Variants in GRB2 observed in about 807,000 individuals in gnomAD.
GRB2 encodes the protein growth factor receptor-bound protein 2.
GRB2 carries 2 observed loss-of-function variants against 27.4 expected under a neutral mutation model. The observed-to-expected ratio is 0.07, with a 90% confidence interval of 0.03 to 0.23. The LOEUF is 0.23. Among genes scored for constraint, GRB2 ranks in the 10% least tolerant of loss-of-function variants. GRB2 has a pLI of 1.00. For synonymous variants in GRB2, 94 were observed against 99.6 expected (o/e 0.94, Z 0.33); for missense variants, 102 against 282.4 (o/e 0.36, Z 4.58).
intron 2 of GRB2, among the ~76,000 whole-genome samples, chr17:75,340,985 C>T (rs569940401): frequency 1.3e-5 from 2 of 152,268 alleles, no homozygotes; most frequent in Non-Finnish European, 2.9e-5. Context: ...ATATGCCGAG[C>T]AGATCAGTCT....
At position 75,396,400 on chromosome 17, in the gene GRB2, G is replaced by A. The variant is rs529530577; in HGVS notation, c.-137-2635C>T. Among the ~76,000 whole-genome samples the A allele has an allele frequency of 4.7e-4, 72 of 152,026 alleles. 1 individual carries two copies. Among genetic ancestry groups the A allele is most frequent in the African/African-American group, 1.7e-3 (70 of 41,470 alleles). On this transcript the variant is annotated intron_variant, in intron 1 of 5. Transcript: ENST00000316804. ...TGGAACTACAGGTGTGGGCCACTATGCCCGGCTACTTTTTCTATTTTTTGT... is the reference window on the plus strand; with the variant it reads ...TGGAACTACAGGTGTGGGCCACTATACCCGGCTACTTTTTCTATTTTTTGT...
In GRB2 at chr17:75,319,908, C is replaced by T. The variant is rs879388816; in HGVS notation, c.*460G>A. On this transcript the variant is annotated 3_prime_UTR_variant, in exon 6 of 6. Transcript: ENST00000316804. ...AGCAAAGGCATCGAGCGGCCCTGCC[C>T]GCTCCTTTTTGTGTGTATATACGAA... 3 of 157,218 alleles carry T rather than the reference C, an allele frequency of 1.9e-5. No homozygotes were observed. Among genetic ancestry groups the T allele is most frequent in the Non-Finnish European group, 2.8e-5 (2 of 70,888 alleles). 9.7% of individuals were successfully genotyped at this position (157,218 alleles called of 1,614,324 possible). A position where few individuals can be genotyped will look rare whatever the true frequency, so the allele number is the denominator to read the frequency against.
chr17:75,353,491 G>A (rs559771507), intron 2 of GRB2, among the ~76,000 whole-genome samples: 14 of 151,750 alleles, frequency 9.2e-5, no homozygotes, highest in East Asian at 5.8e-4. Context: ...TACCGGGCGC[G>A]GTGGCTCACA....
chr17:75,401,425 C>G (rs1360439557), intron 1 of GRB2, among the ~76,000 whole-genome samples: 1 of 138,420 alleles, frequency 7.2e-6, no homozygotes, highest in Non-Finnish European at 1.5e-5. Context: ...GCAGTCCGGC[C>G]TGGGCGACAG....
chr17:75,381,239 A>G (rs1451162616), intron 2 of GRB2, among the ~76,000 whole-genome samples: 1 of 152,244 alleles, frequency 6.6e-6, no homozygotes, highest in East Asian at 1.9e-4. Context: ...ATAAAAATGT[A>G]TACATAATGA....
intron 2 of GRB2, among the ~76,000 whole-genome samples, chr17:75,336,831 G>A (rs1033522083): frequency 2.0e-5 from 3 of 151,988 alleles, no homozygotes; most frequent in South Asian, 4.2e-4. Flanking sequence ...TCCACTTCCC[G>A]GGTTCAAGTG....
intron 2 of GRB2, chr17:75,338,941 C>T (rs879730404): frequency 1.6e-4 from 174 of 1,116,202 alleles, no homozygotes; most frequent in Middle Eastern, 2.8e-4. Flanking sequence ...CCAGGGAAAG[C>T]GGCGTTATGA....
intron 2 of GRB2, among the ~76,000 whole-genome samples, chr17:75,337,898 C>CTATTATTAT (rs1187281414): frequency 3.1e-3 from 413 of 133,476 alleles, no homozygotes; most frequent in African/African-American, 5.4e-3. Flanking sequence ...ACTACTACTA[C>CTATTATTAT]TACTATTATT....
chr17:75,400,856 A>C (rs1309731984), intron 1 of GRB2, among the ~76,000 whole-genome samples: 1 of 152,162 alleles, frequency 6.6e-6, no homozygotes, highest in African/African-American at 2.4e-5. Flanking sequence ...TATCTCACTG[A>C]AACAATGAGA....
intron 5 of GRB2, 95 bp downstream of exon 5, chr17:75,321,564 G>C: frequency 8.7e-7 from 1 of 1,151,078 alleles, no homozygotes; most frequent in South Asian, 1.3e-5. Flanking sequence ...AAGGGCGCCC[G>C]CATGTTGAGG....
chr17:75,397,588 C>G (rs2079036222), intron 1 of GRB2, among the ~76,000 whole-genome samples: 1 of 152,138 alleles, frequency 6.6e-6, no homozygotes, highest in Admixed American at 6.6e-5. Flanking sequence ...AAATAAAATA[C>G]ATGACAACAG....
At chr17:75,402,795 G>T (rs2079071759) in intron 1 of GRB2, among the ~76,000 whole-genome samples, 1 of 152,078 alleles carries the variant, frequency 6.6e-6, no homozygotes, top group Admixed American at 6.6e-5. Flanking sequence ...ATGCATATTG[G>T]CCGGGCGCGG....
intron 2 of GRB2, among the ~76,000 whole-genome samples, chr17:75,335,572 C>G (rs1479002924): frequency 2.0e-5 from 3 of 152,044 alleles, no homozygotes. Flanking sequence ...GAGGGTATGC[C>G]CTGCAGAGCT....
intron 3 of GRB2, among the ~76,000 whole-genome samples, chr17:75,330,424 G>T (rs2078531851): frequency 6.6e-6 from 1 of 151,548 alleles, no homozygotes; most frequent in African/African-American, 2.4e-5. Flanking sequence ...GCTTTGGCAG[G>T]GTGCGGTGGC....
chr17:75,376,574 CAT>C (rs1285693962), intron 2 of GRB2, among the ~76,000 whole-genome samples: 1 of 150,530 alleles, frequency 6.6e-6, no homozygotes, highest in Admixed American at 6.6e-5. Flanking sequence ...TTGTCTTGCA[CAT>C]AGACATTTTT....
At chr17:75,393,434 G>C in intron 2 of GRB2, 117 bp downstream of exon 2, 1 of 814,080 alleles carries the variant, frequency 1.2e-6, no homozygotes, top group South Asian at 1.5e-5. Context: ...AAATATGATG[G>C]TAAATGTTAA....
intron 1 of GRB2, among the ~76,000 whole-genome samples, chr17:75,400,745 G>A (rs1182686628): frequency 6.6e-6 from 1 of 151,978 alleles, no homozygotes; most frequent in African/African-American, 2.4e-5. Flanking sequence ...AACCTCAAGT[G>A]ATCCGCCCAC....
chr17:75,347,746 G>A (rs1216768102), intron 2 of GRB2, among the ~76,000 whole-genome samples: 1 of 152,208 alleles, frequency 6.6e-6, no homozygotes, highest in African/African-American at 2.4e-5. Flanking sequence ...GAGCTGAGCT[G>A]GTGCGCAACC....
chr17:75,402,454 T>C (rs1425747283), intron 1 of GRB2, among the ~76,000 whole-genome samples: 1 of 152,238 alleles, frequency 6.6e-6, no homozygotes, highest in Non-Finnish European at 1.5e-5. Flanking sequence ...CATTAGGCTA[T>C]TCTAAATACT....
Sources: gnomAD v4.1 joint callset for allele counts (sites outside exome capture counted in the v4.1 genomes callset) on GRCh38, gnomAD v4.1.1 for gene constraint, MANE v1.5 for transcripts, NCBI Gene and HGNC (gene_info 2026-07-23, HGNC 2026-07-21) for gene names.